GPC6: variants seen among roughly 807,000 people sequenced by gnomAD.
GPC6 encodes the protein glypican-6.
In GPC6, 14 loss-of-function variants were observed where a neutral mutation model predicts 55.2. The ratio of observed to expected loss-of-function variants is 0.25; its 90% CI spans 0.17 to 0.40. GPC6 has a LOEUF of 0.40. Ranked by LOEUF, GPC6 falls within the 10% of genes least tolerant of loss-of-function variation. The probability of loss-of-function intolerance (pLI) is 1.00; values close to 1 mark genes in which losing one functional copy is unlikely to be tolerated. For missense variants in GPC6, 641 were observed against 708.5 expected (o/e 0.90, Z 1.08); for synonymous variants, 278 against 259.6 (o/e 1.07, Z -0.68).
At chr13:93,968,833 G>T (rs912328267) in intron 3 of GPC6, among the ~76,000 whole-genome samples, 1 of 152,002 alleles carries the variant, frequency 6.6e-6, no homozygotes, top group Admixed American at 6.6e-5. Flanking sequence ...TAACAAATTA[G>T]AGTTTAATGT....
chr13:94,021,848 CACTT>C (rs1188207903), intron 3 of GPC6, among the ~76,000 whole-genome samples: 1 of 152,014 alleles, frequency 6.6e-6, no homozygotes, highest in Admixed American at 6.6e-5. Context: ...ATCAAAATCT[CACTT>C]AGTTGGCTCA....
At chr13:93,806,896 T>C (rs1358909572) in intron 2 of GPC6, among the ~76,000 whole-genome samples, 2 of 151,926 alleles carry the variant, frequency 1.3e-5, no homozygotes, top group African/African-American at 4.8e-5. Context: ...TAAAATAACA[T>C]CAACATAAGA....
chr13:94,048,002 A>G, intron 4 of GPC6, among the ~76,000 whole-genome samples: 1 of 151,674 alleles, frequency 6.6e-6, no homozygotes, highest in African/African-American at 2.4e-5. Flanking sequence ...AATATTTAAC[A>G]TTTTTTTTCT....
At chr13:93,376,611 A>C (rs998934555) in intron 1 of GPC6, among the ~76,000 whole-genome samples, 2 of 152,084 alleles carry the variant, frequency 1.3e-5, no homozygotes, top group African/African-American at 4.8e-5. Flanking sequence ...AGAACAGAAC[A>C]CCCGACATGA....
intron 6 of GPC6, among the ~76,000 whole-genome samples, chr13:94,337,807 A>T (rs978488618): frequency 1.1e-4 from 17 of 152,202 alleles, no homozygotes; most frequent in Non-Finnish European, 2.1e-4. Context: ...ATAATATCCA[A>T]CGGGAGAAGA....
intron 1 of GPC6, among the ~76,000 whole-genome samples, chr13:93,240,168 T>A (rs1006743530): frequency 1.3e-5 from 2 of 152,112 alleles, no homozygotes; most frequent in African/African-American, 4.8e-5. Flanking sequence ...ATCCAGTTTA[T>A]GGCCAGTGTT....
intron 3 of GPC6, among the ~76,000 whole-genome samples, chr13:93,880,358 A>AT (rs757171887): frequency 6.6e-6 from 1 of 152,154 alleles, no homozygotes; most frequent in African/African-American, 2.4e-5. Context: ...AATGTGGCAC[A>AT]TATACACCAT....
chr13:94,120,443 G>A (rs1886588381), intron 4 of GPC6, among the ~76,000 whole-genome samples: 1 of 151,924 alleles, frequency 6.6e-6, no homozygotes, highest in Non-Finnish European at 1.5e-5. Context: ...TAAAGGCCAG[G>A]TTTCTTCCGG....
chr13:94,071,119 C>T (rs186092181), intron 4 of GPC6, among the ~76,000 whole-genome samples: 2 of 152,102 alleles, frequency 1.3e-5, no homozygotes, highest in African/African-American at 4.8e-5. Flanking sequence ...GCCATCTTGA[C>T]CTTAAAAGGT....
chr13:93,719,739 T>A (rs1883384161), intron 2 of GPC6, among the ~76,000 whole-genome samples: 1 of 152,110 alleles, frequency 6.6e-6, no homozygotes, highest in Admixed American at 6.6e-5. Flanking sequence ...ATAGCTCTTA[T>A]TATTTTGAGA....
chr13:94,120,619 C>T (rs1448151838), intron 4 of GPC6, among the ~76,000 whole-genome samples: 1 of 151,746 alleles, frequency 6.6e-6, no homozygotes, highest in East Asian at 1.9e-4. Flanking sequence ...TTCTGTTTTG[C>T]TTTGTGAACC....
At chr13:94,053,235 T>G (rs1022685762) in intron 4 of GPC6, among the ~76,000 whole-genome samples, 10 of 152,068 alleles carry the variant, frequency 6.6e-5, no homozygotes, top group African/African-American at 2.4e-4. Context: ...AAGTAGCGTG[T>G]TTTTCTTTAA....
chr13:94,175,986 A>AGT (rs140957148), intron 4 of GPC6, among the ~76,000 whole-genome samples: 3 of 131,232 alleles, frequency 2.3e-5, no homozygotes, highest in Non-Finnish European at 3.2e-5. Flanking sequence ...AGAGAGAGAG[A>AGT]GAGAGAGCGA....
chr13:93,989,406 A>G (rs1171611746), intron 3 of GPC6, among the ~76,000 whole-genome samples: 1 of 152,126 alleles, frequency 6.6e-6, no homozygotes, highest in Non-Finnish European at 1.5e-5. Flanking sequence ...TACTCTGAAA[A>G]CCACCGCTGC....
intron 4 of GPC6, among the ~76,000 whole-genome samples, chr13:94,050,059 C>T (rs1230204878): frequency 2.6e-5 from 4 of 152,042 alleles, no homozygotes; most frequent in South Asian, 2.1e-4. Context: ...TCCCCAGCCA[C>T]GTAGAACTGT....
intron 1 of GPC6, among the ~76,000 whole-genome samples, chr13:93,310,246 G>A (rs1879018745): frequency 2.0e-5 from 3 of 152,184 alleles, no homozygotes; most frequent in Admixed American, 1.3e-4. Flanking sequence ...GCTCAGGAAA[G>A]AGGGTGCAGC....
chr13:93,946,156 G>T (rs1228123236), intron 3 of GPC6, among the ~76,000 whole-genome samples: 2 of 152,198 alleles, frequency 1.3e-5, no homozygotes, highest in African/African-American at 4.8e-5. Context: ...TAATGAACAT[G>T]AAGTTGGGAA....
chr13:93,639,365 G>C (rs1218002578), intron 2 of GPC6, among the ~76,000 whole-genome samples: 1 of 152,098 alleles, frequency 6.6e-6, no homozygotes, highest in Non-Finnish European at 1.5e-5. Context: ...TGTATGAAAT[G>C]AAAACCCTTG....
intron 6 of GPC6, among the ~76,000 whole-genome samples, chr13:94,368,347 C>T (rs1879378746): frequency 6.6e-6 from 1 of 152,022 alleles, no homozygotes; most frequent in African/African-American, 2.4e-5. Flanking sequence ...GATTCACTGA[C>T]AAACTGCATT....
Sources: gnomAD v4.1 joint callset for allele counts (sites outside exome capture counted in the v4.1 genomes callset) on GRCh38, gnomAD v4.1.1 for gene constraint, MANE v1.5 for transcripts, NCBI Gene and HGNC (gene_info 2026-07-23, HGNC 2026-07-21) for gene names.